ENOX2: variants seen among roughly 807,000 people sequenced by gnomAD.
ENOX2 encodes ecto-NOX disulfide-thiol exchanger 2.
In ENOX2, 36 loss-of-function variants were observed where a neutral mutation model predicts 45.0. The observed-to-expected ratio is 0.80, with a 90% CI of 0.61 to 1.06. ENOX2 has a LOEUF of 1.06. ENOX2 is among the 50% of genes least tolerant of loss of function. The probability of loss-of-function intolerance (pLI) is 0.00; values close to 1 mark genes in which losing one functional copy is unlikely to be tolerated. For synonymous variants in ENOX2, 174 were observed against 152.3 expected (o/e 1.14, Z -1.05); for missense variants, 423 against 462.5 (o/e 0.91, Z 0.78).
At chrX:130,661,992 T>G (rs1278640845) in intron 9 of ENOX2, among the ~76,000 whole-genome samples, 1 of 111,964 alleles carries the variant, frequency 8.9e-6, no homozygotes, top group African/African-American at 3.2e-5. Flanking sequence ...GCTCTAGTTT[T>G]TACACATTAT....
chrX:130,876,377 T>C (rs1435836948), intron 2 of ENOX2, among the ~76,000 whole-genome samples: 1 of 111,691 alleles, frequency 9.0e-6, no homozygotes, highest in Non-Finnish European at 1.9e-5. Flanking sequence ...TCCATTCATA[T>C]GGAATGTCCA....
At chrX:130,727,001 T>C (rs376508172) in intron 3 of ENOX2, among the ~76,000 whole-genome samples, 2 of 112,126 alleles carry the variant, frequency 1.8e-5, no homozygotes, top group African/African-American at 6.5e-5. Flanking sequence ...TTGTATTCCT[T>C]TTGTAGGCAG....
chrX:130,786,884 A>G (rs1375810774), intron 2 of ENOX2, among the ~76,000 whole-genome samples: 1 of 85,887 alleles, frequency 1.2e-5, no homozygotes, highest in Non-Finnish European at 2.3e-5. Context: ...GTGTCTTTAT[A>G]GCAGCAAGAT....
At chrX:130,662,928 A>T (rs1448436429) in intron 9 of ENOX2, among the ~76,000 whole-genome samples, 2 of 111,777 alleles carry the variant, frequency 1.8e-5, no homozygotes, top group African/African-American at 6.5e-5. Flanking sequence ...AGCATGAAAC[A>T]TGTAGCTCCT....
At chrX:130,674,117 A>AT (rs2037066325) in intron 6 of ENOX2, among the ~76,000 whole-genome samples, 2 of 111,534 alleles carry the variant, frequency 1.8e-5, no homozygotes, top group Non-Finnish European at 3.8e-5. Flanking sequence ...ATAAAGATAG[A>AT]TAATAGACAC....
chrX:130,686,257 A>T (rs1305411609), intron 5 of ENOX2, among the ~76,000 whole-genome samples: 3 of 110,912 alleles, frequency 2.7e-5, no homozygotes, highest in Non-Finnish European at 5.7e-5. Context: ...ATTTCTCATG[A>T]ATGATTTAGC....
At chrX:130,690,110 G>A (rs2037553267) in intron 4 of ENOX2, among the ~76,000 whole-genome samples, 1 of 110,967 alleles carries the variant, frequency 9.0e-6, no homozygotes, top group South Asian at 3.9e-4. Flanking sequence ...AGGTACACAT[G>A]TGTCCTGTTT....
intron 3 of ENOX2, among the ~76,000 whole-genome samples, chrX:130,736,605 T>C (rs189063667): frequency 1.8e-5 from 2 of 111,817 alleles, no homozygotes; most frequent in East Asian, 5.6e-4. Flanking sequence ...AATATGACAA[T>C]TGGTGTAGCT....
At chrX:130,771,184 T>C (rs781468509) in intron 3 of ENOX2, among the ~76,000 whole-genome samples, 273 of 112,463 alleles carry the variant, frequency 2.4e-3, no homozygotes, top group Non-Finnish European at 4.1e-3. Flanking sequence ...TTCAGGTGCT[T>C]GTTATACGAG....
intron 4 of ENOX2, among the ~76,000 whole-genome samples, chrX:130,700,855 G>T (rs1335108120): frequency 9.0e-6 from 1 of 111,578 alleles, no homozygotes; most frequent in Non-Finnish European, 1.9e-5. Flanking sequence ...ACAGTAAGTG[G>T]CAGAGCAAGG....
chrX:130,719,426 G>A (rs1024904410), intron 3 of ENOX2, among the ~76,000 whole-genome samples: 1 of 106,140 alleles, frequency 9.4e-6, no homozygotes, highest in Non-Finnish European at 1.9e-5. Context: ...TTCCCAGCTT[G>A]AGGCTGGACA....
intron 3 of ENOX2, among the ~76,000 whole-genome samples, chrX:130,764,369 T>C (rs1253335357): frequency 9.0e-6 from 1 of 111,291 alleles, no homozygotes; most frequent in Non-Finnish European, 1.9e-5. Flanking sequence ...CTTCTGCTAG[T>C]CTTTTACATT....
chrX:130,831,428 T>C (rs1400869281), intron 2 of ENOX2, among the ~76,000 whole-genome samples: 1 of 111,338 alleles, frequency 9.0e-6, no homozygotes, highest in Non-Finnish European at 1.9e-5. Flanking sequence ...TCCAAACTTG[T>C]TTGGACCTAT....
chrX:130,735,593 T>C (rs1353442207), intron 3 of ENOX2, among the ~76,000 whole-genome samples: 3 of 111,688 alleles, frequency 2.7e-5, no homozygotes, highest in African/African-American at 9.8e-5. Flanking sequence ...TCTGACATAA[T>C]AAAAGTAACT....
At chrX:130,798,787 CCT>C (rs2077173226) in intron 2 of ENOX2, among the ~76,000 whole-genome samples, 1 of 111,710 alleles carries the variant, frequency 9.0e-6, no homozygotes, top group Non-Finnish European at 1.9e-5. Flanking sequence ...GCCACTCACC[CCT>C]GTCCTCAAGT....
intron 10 of ENOX2, among the ~76,000 whole-genome samples, chrX:130,650,161 G>A (rs931529376): frequency 8.9e-6 from 1 of 112,180 alleles, no homozygotes; most frequent in African/African-American, 3.2e-5. Flanking sequence ...CATGTCACAC[G>A]GAGATACATG....
At chrX:130,659,991 T>C (rs2036646657) in intron 9 of ENOX2, among the ~76,000 whole-genome samples, 1 of 112,090 alleles carries the variant, frequency 8.9e-6, no homozygotes, top group African/African-American at 3.2e-5. Flanking sequence ...TCCCTGGAAA[T>C]ATAACAGACC....
intron 9 of ENOX2, among the ~76,000 whole-genome samples, chrX:130,664,411 C>A (rs1390513212): frequency 1.8e-5 from 2 of 112,317 alleles, no homozygotes; most frequent in Non-Finnish European, 3.8e-5. Context: ...AATTTCTAGT[C>A]CATTTGCTAG....
chrX:130,631,759 T>C (rs974428305), intron 12 of ENOX2, among the ~76,000 whole-genome samples, 183 bp from the exon 13 acceptor site: 10 of 110,978 alleles, frequency 9.0e-5, no homozygotes, highest in African/African-American at 3.3e-4. Context: ...AAAGTTTATT[T>C]ATAGGGCTCC....
Sources: allele counts gnomAD v4.1 joint callset (sites outside exome capture counted in the v4.1 genomes callset), GRCh38; gene constraint gnomAD v4.1.1; transcripts MANE v1.5; gene names NCBI Gene and HGNC (gene_info 2026-07-23, HGNC 2026-07-21).